The following EFCAB6 variants were observed in gnomAD, a reference collection of about 807,000 sequenced individuals.
The protein encoded by EFCAB6 is EF-hand calcium-binding domain-containing protein 6.
In EFCAB6, 156 loss-of-function variants were observed where a neutral mutation model predicts 169.8. The observed-to-expected ratio is 0.92, with a 90% CI of 0.81 to 1.05. The LOEUF (loss-of-function observed/expected upper bound fraction) is 1.05. Ranked by LOEUF, EFCAB6 falls within the 50% of genes least tolerant of loss-of-function variation. The pLI is 0.00. For missense variants in EFCAB6, 1,800 were observed against 1,829.1 expected, an observed-to-expected ratio of 0.98 and a Z score of 0.29; for synonymous variants, 698 against 676.4, an observed-to-expected ratio of 1.03 and a Z score of -0.50.
intron 5 of EFCAB6, among the ~76,000 whole-genome samples, chr22:43,760,449 C>T (rs566207755): frequency 1.4e-4 from 21 of 152,284 alleles, no homozygotes; most frequent in Admixed American, 4.6e-4. Context: ...AGTTTCACTG[C>T]GATAATGTCT....
chr22:43,652,128 T>C (rs1387688769), intron 17 of EFCAB6, among the ~76,000 whole-genome samples: 1 of 152,116 alleles, frequency 6.6e-6, no homozygotes, highest in Non-Finnish European at 1.5e-5. Context: ...CAGAATGATA[T>C]GGTTTAGCTG....
intron 10 of EFCAB6, among the ~76,000 whole-genome samples, chr22:43,705,818 T>C (rs1032996450): frequency 1.3e-5 from 2 of 151,986 alleles, no homozygotes; most frequent in Non-Finnish European, 2.9e-5. Context: ...CTGAAACTTA[T>C]GCCTCAAGGA....
chr22:43,805,944 C>T (rs1047149418), intron 2 of EFCAB6, among the ~76,000 whole-genome samples: 3 of 152,248 alleles, frequency 2.0e-5, no homozygotes, highest in African/African-American at 2.4e-5. Flanking sequence ...GTGGGCAGAT[C>T]ACTTGAGGCC....
chr22:43,783,958 C>T (rs149418752), intron 2 of EFCAB6, among the ~76,000 whole-genome samples: 3 of 152,082 alleles, frequency 2.0e-5, no homozygotes, highest in Non-Finnish European at 2.9e-5. Flanking sequence ...TGGTCTCAGC[C>T]ACCAGGAGGC....
chr22:43,758,619 C>T (rs2061041989), intron 5 of EFCAB6, among the ~76,000 whole-genome samples: 1 of 152,090 alleles, frequency 6.6e-6, no homozygotes, highest in Non-Finnish European at 1.5e-5. Flanking sequence ...CCTTATATAG[C>T]CAAAAATCAT....
chr22:43,763,556 C>T (rs575435841), intron 5 of EFCAB6, among the ~76,000 whole-genome samples: 89 of 152,190 alleles, frequency 5.8e-4, no homozygotes, highest in African/African-American at 2.0e-3. Context: ...GTGATGCATC[C>T]GTCATAAAAG....
Position 43,672,385 on chromosome 22 carries a change from C to G in EFCAB6, c.1420-80G>C, listed in dbSNP as rs1174627661. ...AGCTTTGGAGGCAGGTGGACCTGGA[C>G]TGGAATCCTAGCTCTGTCCCTAATT... On this transcript the variant is annotated intron_variant, in intron 13 of 31. Coordinates refer to ENST00000262726, the MANE Select transcript of EFCAB6 (RefSeq NM_022785.4). 4 of 1,474,330 alleles carry G rather than the reference C, an allele frequency of 2.7e-6. No individual in the cohort carries two copies. In the African/African-American group the frequency reaches 5.6e-5, roughly 21 times the overall value. The allele number at this position is 1,474,330 out of a possible 1,614,324, so 91.3% of individuals were successfully genotyped here.
chr22:43,615,864 C>T lies in EFCAB6; in HGVS notation c.2524G>A (p.Val842Ile). The T allele has an allele frequency of 6.2e-7, 1 of 1,613,694 alleles. No individual in the cohort carries two copies. The highest frequency in any genetic ancestry group is 8.5e-7 in the Non-Finnish European group (1 of 1,179,902). ...GACCATCTGTTTTTTGCTTTGGTAA[C>T]AAGATACTGATGAGCCTGCTCACAA... ...LACEQAHQYLVTKAKNRWSDL... is the reference protein window; with the variant it reads ...LACEQAHQYLITKAKNRWSDL... Residue 842 changes from valine (V) to isoleucine (I), a missense_variant, in exon 21 of 32, where the codon GTT becomes ATT. Val to Ile is a conservative substitution (Grantham distance 29). Coordinates refer to ENST00000262726, the MANE Select transcript of EFCAB6 (RefSeq NM_022785.4).
At chr22:43,723,969 G>C (rs1474453089) in intron 8 of EFCAB6, among the ~76,000 whole-genome samples, 2 of 152,184 alleles carry the variant, frequency 1.3e-5, no homozygotes, top group African/African-American at 4.8e-5. Flanking sequence ...TTCTATTTAT[G>C]CTAATCTATT....
At chr22:43,736,840 G>A (rs987391347) in intron 6 of EFCAB6, among the ~76,000 whole-genome samples, 3 of 151,998 alleles carry the variant, frequency 2.0e-5, no homozygotes, top group Non-Finnish European at 2.9e-5. Context: ...TTGTTATTAC[G>A]AAGGACTGCT....
At position 43,534,878 on chromosome 22, in the gene EFCAB6, GA is replaced by G. The variant is rs1239145828; in HGVS notation, c.4049-7del. 1.3e-6 allele frequency: 2 copies of G among 1,589,926 alleles called. No homozygotes were observed. The highest frequency in any genetic ancestry group is 1.8e-5 in the Admixed American group (1 of 54,704). Reference sequence around the variant, plus strand: ...GTTGAATTTCTCCACAAGAGCTACAGAAAAAAATGGCAGTTCAATTGGTGGC... The same window carrying G: ...GTTGAATTTCTCCACAAGAGCTACAGAAAAAATGGCAGTTCAATTGGTGGC... On this transcript the variant is annotated splice_polypyrimidine_tract_variant and splice_region_variant and intron_variant, in intron 29 of 31. Transcript: ENST00000262726.
chr22:43,667,836 G>A (rs1428768898), intron 16 of EFCAB6, among the ~76,000 whole-genome samples: 1 of 152,156 alleles, frequency 6.6e-6, no homozygotes, highest in Non-Finnish European at 1.5e-5. Context: ...ATGTGTCTGA[G>A]CATGTGGGCG....
chr22:43,789,670 C>A (rs1169758488), intron 2 of EFCAB6, among the ~76,000 whole-genome samples: 3 of 152,098 alleles, frequency 2.0e-5, no homozygotes, highest in Non-Finnish European at 4.4e-5. Flanking sequence ...GTAGATACTG[C>A]CAGTCTGTGG....
At chr22:43,570,117 CTT>C (rs2049752396) in intron 26 of EFCAB6, 1 of 152,156 alleles carries the variant, frequency 6.6e-6, no homozygotes, top group South Asian at 2.1e-4. Context: ...ACATTCTTCA[CTT>C]CTCTCTTGGA....
chr22:43,622,932 T>C (rs1478504953), intron 20 of EFCAB6, among the ~76,000 whole-genome samples: 1 of 152,232 alleles, frequency 6.6e-6, no homozygotes, highest in Non-Finnish European at 1.5e-5. Flanking sequence ...GGGTGTTGTG[T>C]TAGATTTCAC....
At chr22:43,677,413 C>G (rs1053649215) in intron 13 of EFCAB6, among the ~76,000 whole-genome samples, 1 of 152,066 alleles carries the variant, frequency 6.6e-6, no homozygotes, top group Non-Finnish European at 1.5e-5. Context: ...TTTGGGAGGC[C>G]GAGGCAAGTG....
intron 23 of EFCAB6, among the ~76,000 whole-genome samples, chr22:43,596,000 T>C (rs771140860): frequency 6.6e-6 from 1 of 152,128 alleles, no homozygotes; most frequent in Admixed American, 6.5e-5. Flanking sequence ...CAAAATTACA[T>C]GATAATTTCA....
chr22:43,537,087 T>G lies in EFCAB6; in HGVS notation c.4048+290A>C. ...CTTCTGCAGTCAGAGTCTGTGAACATTCACACTCTGCCCAGGGTGGCAACC... is the reference window on the plus strand; with the variant it reads ...CTTCTGCAGTCAGAGTCTGTGAACAGTCACACTCTGCCCAGGGTGGCAACC... On this transcript the variant is annotated intron_variant, in intron 29 of 31. Transcript: ENST00000262726. The surrounding 1 kb of genome is among the most constrained non-coding windows in gnomAD (Gnocchi z 4.3). The G allele has an allele frequency of 3.5e-6, 1 of 282,998 alleles. No individual in the cohort carries two copies. The highest frequency in any genetic ancestry group is 6.6e-6 in the Non-Finnish European group (1 of 151,024). 17.5% of individuals were successfully genotyped at this position (282,998 alleles called of 1,614,324 possible).
rs1440927523 is a variant in EFCAB6, at chr22:43,537,530, T to C, written c.3895A>G (p.Thr1299Ala). Residue 1299 changes from threonine to alanine, a missense_variant, in exon 29 of 32, where the codon ACC (threonine) becomes GCC (alanine). Thr to Ala is a moderately conservative substitution (Grantham distance 58, BLOSUM62 0). Coordinates refer to ENST00000262726, the MANE Select transcript of EFCAB6 (RefSeq NM_022785.4). The surrounding 1 kb of genome is among the most constrained non-coding windows in gnomAD (Gnocchi z 4.3). ...QSHPCTPAST[T>A]VIPGTPPLQN... ...AAGGGTGGAGTGCCCGGGATCACGG[T>C]GGTGCTCGCTGGAGTCTAGCAGGGA... 1 of 1,613,876 alleles carries C rather than the reference T, an allele frequency of 6.2e-7. No homozygotes were observed. The highest frequency in any genetic ancestry group is 1.3e-5 in the African/African-American group (1 of 75,012).
Sources: gnomAD v4.1 joint callset for allele counts (sites outside exome capture counted in the v4.1 genomes callset) on GRCh38, gnomAD v4.1.1 for gene constraint, Gnocchi (gnomAD v3.1) non-coding constraint, MANE v1.5 for transcripts, NCBI Gene and HGNC (gene_info 2026-07-23, HGNC 2026-07-21) for gene names.